ACLY: variants seen among roughly 807,000 people sequenced by gnomAD.
ACLY encodes ATP-citrate synthase.
In ACLY, 41 loss-of-function variants were observed where a neutral mutation model predicts 133.0. The ratio of observed to expected loss-of-function variants is 0.31; its 90% confidence interval spans 0.24 to 0.40. The LOEUF (loss-of-function observed/expected upper bound fraction) is 0.40, where lower values mean the gene tolerates loss of function less well. ACLY is among the 10% of genes least tolerant of loss of function. ACLY has a pLI of 1.00. For missense variants in ACLY, 1,046 were observed against 1,453.8 expected, an observed-to-expected ratio of 0.72 and a Z score of 4.56; for synonymous variants, 495 against 549.3, an observed-to-expected ratio of 0.90 and a Z score of 1.38.
chr17:41,868,119 T>A (rs2048508019), intron 28 of ACLY, among the ~76,000 whole-genome samples: 1 of 151,850 alleles, frequency 6.6e-6, no homozygotes, highest in African/African-American at 2.4e-5. Flanking sequence ...AACAAAATTT[T>A]AAAGGGAAAA....
At chr17:41,879,835 C>A (rs1393440976) in intron 20 of ACLY, among the ~76,000 whole-genome samples, 1 of 151,406 alleles carries the variant, frequency 6.6e-6, no homozygotes, top group Admixed American at 6.6e-5. Flanking sequence ...TCTCCCACCT[C>A]CTCCCGTGTA....
chr17:41,896,538 AG>A, intron 14 of ACLY, 81 bp downstream of exon 14: 3 of 1,276,256 alleles, frequency 2.4e-6, no homozygotes, highest in East Asian at 2.6e-5. Context: ...CCACCAGGGG[AG>A]GGGGAAACAG....
At chr17:41,918,455 T>C (rs1409731601) in intron 1 of ACLY, among the ~76,000 whole-genome samples, 3 of 152,148 alleles carry the variant, frequency 2.0e-5, no homozygotes, top group Non-Finnish European at 4.4e-5. Flanking sequence ...GTGGGACCAG[T>C]CGCCACCGCT....
intron 21 of ACLY, among the ~76,000 whole-genome samples, 170 bp from the exon 22 acceptor site, chr17:41,878,366 G>T (rs1383267793): frequency 6.6e-6 from 1 of 152,146 alleles, no homozygotes; most frequent in Admixed American, 6.6e-5. Flanking sequence ...GACTGCACCT[G>T]CCCTCTGCTC....
chr17:41,909,489 C>T (rs782554009), intron 5 of ACLY, 21 bp downstream of exon 5: 3 of 1,610,986 alleles, frequency 1.9e-6, no homozygotes, highest in Admixed American at 1.7e-5. Flanking sequence ...TGCCACCTCC[C>T]TACCGTCCCT....
At chr17:41,882,515 G>C (rs1386257028) in intron 20 of ACLY, among the ~76,000 whole-genome samples, 2 of 151,956 alleles carry the variant, frequency 1.3e-5, no homozygotes, top group East Asian at 1.9e-4. Context: ...GGTGGTAAAG[G>C]GTTCTCTAAG....
chr17:41,904,808 G>C lies in ACLY; in HGVS notation c.1004-18C>G, dbSNP rs782263410. On this transcript the variant is annotated intron_variant, in intron 9 of 28. Coordinates refer to ENST00000352035, the MANE Select transcript of ACLY (RefSeq NM_001096.3). ...GATCTTGCCTGGATTTGGAGTAAGAGAGAATCAAAAACAGTTACATAGGTA... is the reference window on the plus strand; with the variant it reads ...GATCTTGCCTGGATTTGGAGTAAGACAGAATCAAAAACAGTTACATAGGTA... 1 of 1,611,762 alleles carries C rather than the reference G, an allele frequency of 6.2e-7. No homozygotes were observed. The highest frequency in any genetic ancestry group is 1.1e-5 in the South Asian group (1 of 90,986).
At chr17:41,890,152 A>G (rs1295748043) in intron 16 of ACLY, among the ~76,000 whole-genome samples, 2 of 152,218 alleles carry the variant, frequency 1.3e-5, no homozygotes, top group East Asian at 1.9e-4. Context: ...AGCAGATTAT[A>G]TGAGTGGCAT....
chr17:41,920,004 G>A (rs1235648827), upstream of ACLY, among the ~76,000 whole-genome samples: 1 of 152,186 alleles, frequency 6.6e-6, no homozygotes, highest in East Asian at 1.9e-4. Context: ...CCAGGAAGGA[G>A]GCCAAAAGCG....
Position 41,907,424 on chromosome 17 carries a change from T to G in ACLY, c.747+18A>C. 1.3e-6 allele frequency: 2 copies of G among 1,527,048 alleles called. No individual in the cohort carries two copies. The highest frequency in any genetic ancestry group is 2.2e-5 in the South Asian group (2 of 89,228). The allele number at this position is 1,527,048 out of a possible 1,614,324, so 94.6% of individuals were successfully genotyped here. On this transcript the variant is annotated intron_variant, in intron 7 of 28. Coordinates refer to ENST00000352035, the MANE Select transcript of ACLY (RefSeq NM_001096.3). ...CGCCCTCCCCCCAGTCCCCATCTCC[T>G]CTCTAAACCAGCCTTACCTCTGGAT...
rs1555631631 is a variant in ACLY, at chr17:41,901,696, C to A, written c.1183G>T (p.Gly395Trp). Reference protein sequence around the residue: ...QEGLRVMGEVGKTTGIPIHVF... With the variant: ...QEGLRVMGEVWKTTGIPIHVF... ...GGGAGAGAAAAGGTCCTCATCTTAC[C>A]GACTTCTCCCATCACCCGTAAGCCC... The change falls in exon 11 of 29, where the codon GGG (glycine) becomes TGG (tryptophan). Residue 395 changes from glycine to tryptophan, a missense_variant and splice_region_variant. Around this residue, in one of 4 missense-constraint regions of ACLY, gnomAD observed 575 missense variants for 804.2 expected, o/e 0.71. Coordinates refer to ENST00000352035, the MANE Select transcript of ACLY (RefSeq NM_001096.3). The A allele has an allele frequency of 6.2e-7, 1 of 1,610,244 alleles. No homozygotes were observed. Among genetic ancestry groups the A allele is most frequent in the Admixed American group, 1.7e-5 (1 of 59,766 alleles).
intron 3 of ACLY, 126 bp downstream of exon 3, chr17:41,912,294 G>A: frequency 7.5e-7 from 1 of 1,326,000 alleles, no homozygotes; most frequent in Admixed American, 2.2e-5. Context: ...AGCGCCACAG[G>A]ACTCCTGCCT....
At chr17:41,897,664 C>T (rs534179190) in intron 13 of ACLY, 85 bp downstream of exon 13, 1 of 1,331,342 alleles carries the variant, frequency 7.5e-7, no homozygotes, top group South Asian at 1.4e-5. Context: ...TCTGCCAGCC[C>T]AGGGGGGAAA....
At chr17:41,912,228 G>A (rs1465030945) in intron 3 of ACLY, among the ~76,000 whole-genome samples, 192 bp downstream of exon 3, 1 of 152,186 alleles carries the variant, frequency 6.6e-6, no homozygotes, top group African/African-American at 2.4e-5. Flanking sequence ...GATGATGAGG[G>A]AGCTGGGAAT....
chr17:41,921,756 G>A (rs781853692), upstream of ACLY, among the ~76,000 whole-genome samples: 13 of 151,624 alleles, frequency 8.6e-5, no homozygotes, highest in South Asian at 2.1e-4. Flanking sequence ...AATCACTTGC[G>A]TCCAGGAGTT....
chr17:41,928,121 A>G (rs573096610), intron 1 of ACLY, among the ~76,000 whole-genome samples: 3 of 152,354 alleles, frequency 2.0e-5, no homozygotes, highest in African/African-American at 4.8e-5. Flanking sequence ...CCTGGTGGAC[A>G]AGGCCAACTC....
At position 41,868,752 on chromosome 17, in the gene ACLY, G is replaced by GAT; in HGVS notation, c.3167_3168insAT (p.Leu1057SerfsTer24). The GAT allele has an allele frequency of 6.2e-7, 1 of 1,613,584 alleles. No homozygotes were observed. Among genetic ancestry groups the GAT allele is most frequent in the Non-Finnish European group, 8.5e-7 (1 of 1,179,952 alleles). ...TTCCCAGCACAAAGATGCCATTGAG[G>GAT]GCTCCAATGTCAATATATTCATCAG... On this transcript the variant is annotated frameshift_variant, in exon 28 of 29. Transcript: ENST00000352035. LOFTEE classifies it high-confidence loss of function.
upstream of ACLY, among the ~76,000 whole-genome samples, chr17:41,921,479 G>GA (rs782660866): frequency 0.046 from 1,947 of 42,262 alleles, 40 homozygotes; most frequent in East Asian, 0.092. Flanking sequence ...CCCTGTCTCA[G>GA]AAAAAAAAAA....
chr17:41,886,115 TC>T lies in ACLY; in HGVS notation c.2068del (p.Asp690ThrfsTer23). On this transcript the variant is annotated frameshift_variant, in exon 18 of 29. Coordinates refer to ENST00000352035, the MANE Select transcript of ACLY (RefSeq NM_001096.3). LOFTEE classifies it high-confidence loss of function. ...CCTTGGCTTCCCAGCTGATTACCTG[TC>T]CCCACCAATGGCCACGCCCTCATAG... ...GVYEGVAIGG[D>X]RYPGSTFMDH... 1 of 1,612,550 alleles carries T rather than the reference TC, an allele frequency of 6.2e-7. No individual in the cohort carries two copies.
Sources: allele counts gnomAD v4.1 joint callset (sites outside exome capture counted in the v4.1 genomes callset), GRCh38; gene constraint gnomAD v4.1.1; regional missense constraint gnomAD v4.1.1; transcripts MANE v1.5; gene names NCBI Gene and HGNC (gene_info 2026-07-23, HGNC 2026-07-21).